Variants in SLC24A3 observed in about 807,000 individuals in gnomAD.
SLC24A3 encodes sodium/potassium/calcium exchanger 3.
A neutral mutation model predicts 75.8 loss-of-function variants in SLC24A3; 28 were observed. The observed-to-expected ratio is 0.37, with a 90% CI of 0.27 to 0.51. The LOEUF is 0.51. Among genes scored for constraint, SLC24A3 ranks in the 20% least tolerant of loss-of-function variants. SLC24A3 has a pLI of 0.94. For missense variants in SLC24A3, 663 were observed against 847.8 expected, an observed-to-expected ratio of 0.78 and a Z score of 2.71; for synonymous variants, 372 against 334.1, an observed-to-expected ratio of 1.11 and a Z score of -1.24.
chr20:19,666,333 C>T (rs749559257), intron 8 of SLC24A3, among the ~76,000 whole-genome samples: 150 of 151,630 alleles, frequency 9.9e-4, no homozygotes, highest in Non-Finnish European at 1.8e-3. Flanking sequence ...GGTGAAACCT[C>T]GTCTCTACTA....
At chr20:19,381,426 C>G (rs1005418403) in intron 2 of SLC24A3, among the ~76,000 whole-genome samples, 1 of 152,160 alleles carries the variant, frequency 6.6e-6, no homozygotes, top group Non-Finnish European at 1.5e-5. Context: ...GGGAGGCCCT[C>G]TTTGAAGAGG....
intron 7 of SLC24A3, among the ~76,000 whole-genome samples, chr20:19,663,443 A>ACCTCCTCCTCCACCTCCACCTCCACC (rs1568689617): frequency 7.3e-5 from 1 of 13,736 alleles, no homozygotes; most frequent in African/African-American, 1.2e-3. Context: ...CCGCCTTCTC[A>ACCTCCTCCTCCACCTCCACCTCCACC]TCCTCCTCCA....
intron 1 of SLC24A3, among the ~76,000 whole-genome samples, chr20:19,250,649 T>A (rs1982626180): frequency 6.6e-6 from 1 of 152,226 alleles, no homozygotes; most frequent in Admixed American, 6.5e-5. Flanking sequence ...TAGAGCTTTT[T>A]AAAAATTTTT....
chr20:19,701,606 A>T (rs1395579448), intron 15 of SLC24A3, among the ~76,000 whole-genome samples: 1 of 152,208 alleles, frequency 6.6e-6, no homozygotes, highest in Non-Finnish European at 1.5e-5. Flanking sequence ...AAGGATGCCA[A>T]TGAAGATACT....
intron 3 of SLC24A3, among the ~76,000 whole-genome samples, chr20:19,522,611 C>T (rs1179147559): frequency 2.0e-5 from 3 of 152,222 alleles, no homozygotes; most frequent in African/African-American, 7.2e-5. Flanking sequence ...CCAAAGGCAG[C>T]TCAGCTGTGC....
intron 3 of SLC24A3, among the ~76,000 whole-genome samples, chr20:19,566,758 A>G (rs1245001203): frequency 6.6e-6 from 1 of 152,196 alleles, no homozygotes; most frequent in Non-Finnish European, 1.5e-5. Context: ...TTGCCAGGGG[A>G]AAGTTGCCAG....
chr20:19,691,532 C>T (rs1163827736), intron 12 of SLC24A3, among the ~76,000 whole-genome samples: 1 of 152,178 alleles, frequency 6.6e-6, no homozygotes, highest in African/African-American at 2.4e-5. Context: ...TTTTGAGACT[C>T]TTTCCTCTGG....
intron 2 of SLC24A3, among the ~76,000 whole-genome samples, chr20:19,334,408 G>T (rs890663073): frequency 6.6e-6 from 1 of 151,218 alleles, no homozygotes; most frequent in Non-Finnish European, 1.5e-5. Flanking sequence ...GCATACAAAA[G>T]TATATGAAGT....
chr20:19,546,627 G>A (rs2030600638), intron 3 of SLC24A3, among the ~76,000 whole-genome samples: 1 of 152,186 alleles, frequency 6.6e-6, no homozygotes, highest in Non-Finnish European at 1.5e-5. Context: ...AGGGGAAAGG[G>A]GGTGGGGGGC....
chr20:19,330,987 G>T (rs1466381597), intron 2 of SLC24A3, among the ~76,000 whole-genome samples: 1 of 152,172 alleles, frequency 6.6e-6, no homozygotes, highest in Non-Finnish European at 1.5e-5. Flanking sequence ...TTCTATTGAA[G>T]CAAGGGACTG....
chr20:19,681,875 A>G lies in SLC24A3; in HGVS notation c.785A>G (p.His262Arg), dbSNP rs2122739435. The change falls in exon 10 of 17, where the codon CAT (histidine) becomes CGT (arginine). Residue 262 changes from histidine (H) to arginine (R), a missense_variant. Transcript: ENST00000328041. ...TTGCTCAGATATAACGCTTGCATAC[A>G]TCAGTGCTTTGAGAGGAGGACAAAA... ...IVIMKYNACIHQCFERRTKGA... is the reference protein window; with the variant it reads ...IVIMKYNACIRQCFERRTKGA... 6.2e-7 allele frequency: 1 copy of G among 1,614,178 alleles called. No individual in the cohort carries two copies. The highest frequency in any genetic ancestry group is 2.2e-5 in the East Asian group (1 of 44,890).
intron 2 of SLC24A3, among the ~76,000 whole-genome samples, chr20:19,410,334 C>T (rs1412489577): frequency 2.6e-5 from 4 of 152,186 alleles, no homozygotes; most frequent in Admixed American, 2.6e-4. Flanking sequence ...GCGGTCATGG[C>T]CTCCAAAAGA....
intron 1 of SLC24A3, among the ~76,000 whole-genome samples, chr20:19,280,678 A>AG (rs111311870): frequency 4.7e-5 from 7 of 148,904 alleles, no homozygotes; most frequent in African/African-American, 1.7e-4. Context: ...GAGACAGGGA[A>AG]TGGGGGGCAG....
chr20:19,644,004 G>A (rs778994134), intron 6 of SLC24A3, among the ~76,000 whole-genome samples: 5 of 152,140 alleles, frequency 3.3e-5, no homozygotes, highest in Admixed American at 1.3e-4. Flanking sequence ...GGAGAGCTTG[G>A]GGGGAGCAGG....
chr20:19,330,051 G>A (rs1331070636), intron 2 of SLC24A3, among the ~76,000 whole-genome samples: 3 of 152,174 alleles, frequency 2.0e-5, no homozygotes, highest in African/African-American at 4.8e-5. Context: ...ACACATCACA[G>A]ACCATTTTAC....
At chr20:19,350,859 A>C (rs1190565370) in intron 2 of SLC24A3, among the ~76,000 whole-genome samples, 1 of 152,096 alleles carries the variant, frequency 6.6e-6, no homozygotes, top group East Asian at 1.9e-4. Flanking sequence ...ATCTTGGAGA[A>C]CTCCAAGAAA....
chr20:19,359,372 T>G (rs1985746150), intron 2 of SLC24A3, among the ~76,000 whole-genome samples: 1 of 152,178 alleles, frequency 6.6e-6, no homozygotes, highest in Admixed American at 6.5e-5. Flanking sequence ...GAATGGCCTG[T>G]GTAGCTTTTC....
intron 2 of SLC24A3, among the ~76,000 whole-genome samples, chr20:19,371,751 A>G (rs1985996265): frequency 6.6e-6 from 1 of 152,182 alleles, no homozygotes; most frequent in Non-Finnish European, 1.5e-5. Flanking sequence ...GGCCATGTGA[A>G]GCTGAGGAAA....
intron 2 of SLC24A3, among the ~76,000 whole-genome samples, chr20:19,457,101 A>C (rs1388157472): frequency 6.6e-6 from 1 of 152,238 alleles, no homozygotes; most frequent in Non-Finnish European, 1.5e-5. Context: ...GGACCCAAGA[A>C]AAAAATGAAT....
Sources: gnomAD v4.1 joint callset for allele counts (sites outside exome capture counted in the v4.1 genomes callset) on GRCh38, gnomAD v4.1.1 for gene constraint, MANE v1.5 for transcripts, NCBI Gene and HGNC (gene_info 2026-07-23, HGNC 2026-07-21) for gene names.